AKR1A1: variants seen among roughly 807,000 people sequenced by gnomAD.
AKR1A1 encodes aldo-keto reductase family 1 member A1.
Under a neutral mutation model 39.2 loss-of-function variants are expected in AKR1A1, and 26 were observed. The ratio of observed to expected loss-of-function variants is 0.66; its 90% CI spans 0.49 to 0.92. AKR1A1 has a LOEUF of 0.92. AKR1A1 is among the 40% of genes least tolerant of loss of function. The probability of loss-of-function intolerance (pLI) is 0.00; values close to 1 mark genes in which losing one functional copy is unlikely to be tolerated. For synonymous variants in AKR1A1, 141 were observed against 155.5 expected, an observed-to-expected ratio of 0.91 and a Z score of 0.69; for missense variants, 378 against 406.5, an observed-to-expected ratio of 0.93 and a Z score of 0.60.
chr1:45,559,152 C>G (rs996600432), intron 1 of AKR1A1, among the ~76,000 whole-genome samples: 4 of 152,220 alleles, frequency 2.6e-5, no homozygotes, highest in African/African-American at 9.6e-5. Context: ...GATCAAAGCT[C>G]TTATCACAGT....
chr1:45,564,324 C>G (rs1167656231), intron 2 of AKR1A1, among the ~76,000 whole-genome samples: 2 of 152,092 alleles, frequency 1.3e-5, no homozygotes, highest in African/African-American at 4.8e-5. Context: ...AGGGGAAGTA[C>G]GTCGGCACCC....
chr1:45,566,717 G>A, intron 3 of AKR1A1, 29 bp downstream of exon 3: 1 of 1,612,032 alleles, frequency 6.2e-7, no homozygotes, highest in East Asian at 2.2e-5. Context: ...AATAGAGGTG[G>A]GATAAGAGAA....
intron 8 of AKR1A1, 40 bp from the exon 9 acceptor site, chr1:45,569,851 A>G: frequency 1.3e-6 from 2 of 1,588,054 alleles, no homozygotes; most frequent in East Asian, 2.2e-5. Flanking sequence ...TGGAATGGCA[A>G]CTCCTGCTGA....
intron 1 of AKR1A1, among the ~76,000 whole-genome samples, chr1:45,551,577 G>A (rs556165139): frequency 5.4e-4 from 82 of 152,216 alleles, no homozygotes; most frequent in African/African-American, 1.9e-3. Context: ...ACCTGCTTTG[G>A]GTCTGAGAAA....
intron 1 of AKR1A1, among the ~76,000 whole-genome samples, chr1:45,560,725 C>CTTTTTT: frequency 8.7e-6 from 1 of 114,342 alleles, no homozygotes; most frequent in East Asian, 2.7e-4. Context: ...CTCTGCAGTT[C>CTTTTTT]TTTTTTTTTT....
chr1:45,561,823 C>G lies in AKR1A1; in HGVS notation c.29C>G (p.Thr10Ser), dbSNP rs755132631. 1.7e-5 allele frequency: 28 copies of G among 1,614,024 alleles called. No homozygotes were observed. The highest frequency in any genetic ancestry group is 2.4e-5 in the Non-Finnish European group (28 of 1,180,020). Residue 10 changes from threonine to serine, a missense_variant, in exon 2 of 9, where the codon ACT becomes AGT. Transcript: ENST00000351829. ...GCGGCTTCCTGTGTTCTACTGCACACTGGGCAGAAGATGCCTCTGATTGGT... is the reference window on the plus strand; with the variant it reads ...GCGGCTTCCTGTGTTCTACTGCACAGTGGGCAGAAGATGCCTCTGATTGGT... MAASCVLLH[T>S]GQKMPLIGLG...
Position 45,551,107 on chromosome 1 carries a change from A to G in AKR1A1, c.-55A>G, listed in dbSNP as rs190927287. ...CGTTGGATCTCTGGCGGGGTGCAGA[A>G]CTGAGCCCAGGCCACAGTACCCTAT... On this transcript the variant is annotated 5_prime_UTR_variant, in exon 1 of 9. Transcript: ENST00000351829. 2.0e-5 allele frequency: 3 copies of G among 152,362 alleles called. No homozygotes were observed. The highest frequency in any genetic ancestry group is 7.2e-5 in the African/African-American group (3 of 41,566). The allele number at this position is 152,362 out of a possible 1,614,324, so 9.4% of individuals were successfully genotyped here.
Position 45,556,065 on chromosome 1 carries a change from G to C in AKR1A1, c.-7+4910G>C, listed in dbSNP as rs554851. Reference sequence around the variant, plus strand: ...ACCAGCATATGTGGGAGCCAGAGGAGAGGCCCATGCAGCTAGGAAACACTC... The same window carrying C: ...ACCAGCATATGTGGGAGCCAGAGGACAGGCCCATGCAGCTAGGAAACACTC... On this transcript the variant is annotated intron_variant, in intron 1 of 8. Transcript: ENST00000351829. Among the ~76,000 whole-genome samples the C allele has an allele frequency of 1.2e-3, 186 of 152,274 alleles. 9 individuals are homozygous for C. The highest frequency in any genetic ancestry group is 4.3e-3 in the African/African-American group (180 of 41,566).
At chr1:45,566,101 C>CT (rs371259264) in intron 2 of AKR1A1, among the ~76,000 whole-genome samples, 60 of 147,126 alleles carry the variant, frequency 4.1e-4, no homozygotes, top group Middle Eastern at 3.6e-3. Flanking sequence ...CATCTTCCAT[C>CT]TTTTTTTTTT....
chr1:45,561,909 G>A, intron 2 of AKR1A1, 31 bp downstream of exon 2: 1 of 1,608,710 alleles, frequency 6.2e-7, no homozygotes, highest in Non-Finnish European at 8.5e-7. Context: ...AAAGAAACTT[G>A]TTGAGCCTCT....
At chr1:45,561,764 C>A in intron 1 of AKR1A1, 25 bp from the exon 2 acceptor site, 1 of 1,610,126 alleles carries the variant, frequency 6.2e-7, no homozygotes. Flanking sequence ...ACCCCAACAC[C>A]ATTCTCTTCC....
intron 2 of AKR1A1, among the ~76,000 whole-genome samples, chr1:45,565,153 G>A (rs1644324848): frequency 2.0e-5 from 2 of 100,026 alleles, no homozygotes; most frequent in Admixed American, 2.2e-4. Context: ...TTTTTGAGAA[G>A]GAGTTTCACT....
chr1:45,554,905 GGT>G (rs1570890030), intron 1 of AKR1A1, among the ~76,000 whole-genome samples: 1 of 152,046 alleles, frequency 6.6e-6, no homozygotes, highest in East Asian at 1.9e-4. Context: ...CCCCCAGGCT[GGT>G]CTCGAACTCC....
At chr1:45,564,184 G>A (rs1470463399) in intron 2 of AKR1A1, among the ~76,000 whole-genome samples, 2 of 152,150 alleles carry the variant, frequency 1.3e-5, no homozygotes, top group Non-Finnish European at 2.9e-5. Context: ...GGAGCCTGGA[G>A]CCAGGGTCCC....
chr1:45,568,443 G>T, intron 5 of AKR1A1, 42 bp from the exon 6 acceptor site: 1 of 1,604,720 alleles, frequency 6.2e-7, no homozygotes, highest in South Asian at 1.1e-5. Flanking sequence ...CAAGCAAGCT[G>T]GGTGTCACCA....
chr1:45,558,446 C>T (rs963101874), intron 1 of AKR1A1, among the ~76,000 whole-genome samples: 14 of 147,034 alleles, frequency 9.5e-5, no homozygotes, highest in African/African-American at 2.5e-4. Context: ...TCACCCAAGC[C>T]GGAGTGCAGT....
rs374896717 is a variant in AKR1A1 at position 45,568,068 on chromosome 1, A to T, written c.443A>T (p.Glu148Val). ...TACAAGGAGACTTGGAAGGCTCTGG[A>T]GGCACTGGTGGCTAAGGGGCTGGTG... is the stretch of plus-strand genomic sequence containing the variant. ...THYKETWKAL[E>V]ALVAKGLVQA... The change falls in exon 5 of 9, where the codon GAG becomes GTG. Residue 148 changes from glutamate (E) to valine (V), a missense_variant. Physicochemically the swap from Glu to Val is moderately radical, Grantham distance 121 (BLOSUM62 -2). Transcript: ENST00000351829. The T allele has an allele frequency of 9.9e-6, 16 of 1,613,990 alleles. No homozygotes were observed. The African/African-American group carries it at 2.0e-4, about 20-fold the overall frequency.
At chr1:45,564,395 C>G (rs150129706) in intron 2 of AKR1A1, among the ~76,000 whole-genome samples, 7 of 152,258 alleles carry the variant, frequency 4.6e-5, no homozygotes, top group African/African-American at 1.4e-4. Flanking sequence ...TGCTTTGTGT[C>G]TAGGGCCGGG....
At chr1:45,564,986 C>G (rs534092393) in intron 2 of AKR1A1, among the ~76,000 whole-genome samples, 3 of 151,724 alleles carry the variant, frequency 2.0e-5, no homozygotes, top group South Asian at 4.2e-4. Context: ...CCACGCCCAG[C>G]TAATTTTTTG....
Sources: allele counts gnomAD v4.1 joint callset (sites outside exome capture counted in the v4.1 genomes callset), GRCh38; gene constraint gnomAD v4.1.1; transcripts MANE v1.5; gene names NCBI Gene and HGNC (gene_info 2026-07-23, HGNC 2026-07-21).